Variants in SAGE1 observed in about 807,000 individuals in gnomAD.
SAGE1 encodes cancer/testis antigen 14.
SAGE1 carries 55 observed loss-of-function variants against 55.4 expected under a neutral mutation model. The ratio of observed to expected loss-of-function variants is 0.99; its 90% CI spans 0.80 to 1.24. The LOEUF is 1.24. SAGE1 is among the 50% of genes most tolerant of loss of function. The pLI, the probability that SAGE1 is intolerant of heterozygous loss-of-function variation, is 0.00. For synonymous variants in SAGE1, 240 were observed against 244.3 expected (o/e 0.98, Z 0.17); for missense variants, 710 against 704.4 (o/e 1.01, Z -0.09).
At position 135,906,987 on chromosome X, in the gene SAGE1, T is replaced by C. The variant is rs1556601887; in HGVS notation, c.798T>C (p.Asp266=). ...EKMEKGQPQP[D]NILSTASTGL... ...TGGAAAAGGGCCAACCCCAACCTGATAACATCTTGTCAACTGCTTCAACAG... is the reference window on the plus strand; with the variant it reads ...TGGAAAAGGGCCAACCCCAACCTGACAACATCTTGTCAACTGCTTCAACAG... Residue 266 remains aspartate, a synonymous_variant, in exon 8 of 20, where the codon GAT becomes GAC. Coordinates refer to ENST00000370709, the MANE Select transcript of SAGE1 (RefSeq NM_001381902.1). 2 of 1,210,405 alleles carry C rather than the reference T, an allele frequency of 1.7e-6. No homozygotes were observed. Among genetic ancestry groups the C allele is most frequent in the Non-Finnish European group, 1.1e-6 (1 of 894,216 alleles).
At position 135,908,496 on chromosome X, in the gene SAGE1, T is replaced by C. The variant is rs1476953836; in HGVS notation, c.1320T>C (p.His440=). 3 of 1,206,621 alleles carry C rather than the reference T, an allele frequency of 2.5e-6. No homozygotes were observed. Among genetic ancestry groups the C allele is most frequent in the Non-Finnish European group, 3.4e-6 (3 of 893,646 alleles). ...TRDQYATVNH[H]VHEARMENGQ... Reference sequence around the variant, plus strand: ...TTCTAGATGCTACCGTCAATCACCATGTCCATGAAGCAAGGATGGAAAATG... The same window carrying C: ...TTCTAGATGCTACCGTCAATCACCACGTCCATGAAGCAAGGATGGAAAATG... Residue 440 remains histidine (H), a synonymous_variant, in exon 12 of 20, where the codon CAT becomes CAC. Transcript: ENST00000370709.
At chrX:135,900,698 T>A (rs2088659916) in intron 2 of SAGE1, among the ~76,000 whole-genome samples, 1 of 111,271 alleles carries the variant, frequency 9.0e-6, no homozygotes, top group African/African-American at 3.3e-5. Flanking sequence ...ATTGTAAAGC[T>A]CGCCCTACCC....
chrX:135,912,183 G>C (rs782066805), intron 18 of SAGE1, 138 bp from the exon 19 acceptor site: 2 of 1,091,317 alleles, frequency 1.8e-6, no homozygotes, highest in Non-Finnish European at 1.2e-6. Context: ...TACAGATGTC[G>C]TGATTTAAGC....
chrX:135,902,584 G>A lies in SAGE1; in HGVS notation c.220+893G>A, dbSNP rs143221791. ...CCATCGGGCAAATAATCCCACCATGGCCTAGTTCAAGCTGTCAACATAAGG... is the reference window on the plus strand; with the variant it reads ...CCATCGGGCAAATAATCCCACCATGACCTAGTTCAAGCTGTCAACATAAGG... On this transcript the variant is annotated intron_variant, in intron 3 of 19. Coordinates refer to ENST00000370709, the MANE Select transcript of SAGE1 (RefSeq NM_001381902.1). Among the ~76,000 whole-genome samples the A allele has an allele frequency of 4.5e-3, 502 of 112,054 alleles. 3 individuals are homozygous for A. The highest frequency in any genetic ancestry group is 0.014 in the African/African-American group (438 of 30,858).
intron 16 of SAGE1, 45 bp downstream of exon 16, chrX:135,910,600 G>A: frequency 1.8e-6 from 2 of 1,134,930 alleles, no homozygotes; most frequent in Non-Finnish European, 2.4e-6. Flanking sequence ...GTTTCCCTAA[G>A]CAGGCATATT....
chrX:135,902,907 A>G (rs1434279639), intron 3 of SAGE1, among the ~76,000 whole-genome samples: 1 of 111,330 alleles, frequency 9.0e-6, no homozygotes, highest in Non-Finnish European at 1.9e-5. Flanking sequence ...TGTGTTTCTA[A>G]TCTTCGCTCA....
chrX:135,909,709 G>C lies in SAGE1; in HGVS notation c.1653G>C (p.Leu551Phe), dbSNP rs2088860302. Residue 551 changes from leucine (L) to phenylalanine (F), a missense_variant, in exon 14 of 20, where the codon TTG becomes TTC. Physicochemically the swap from Leu to Phe is conservative, Grantham distance 22. Coordinates refer to ENST00000370709, the MANE Select transcript of SAGE1 (RefSeq NM_001381902.1). ...ACCAACCACAACCTAGTTATGACTT[G>C]TCAACTGTTCTACCAGGACTTACTT... ...ENNQPQPSYD[L>F]STVLPGLTYL... 1 of 1,201,034 alleles carries C rather than the reference G, an allele frequency of 8.3e-7. No individual in the cohort carries two copies. The highest frequency in any genetic ancestry group is 1.1e-6 in the Non-Finnish European group (1 of 888,526).
intron 16 of SAGE1, among the ~76,000 whole-genome samples, 175 bp from the exon 17 acceptor site, chrX:135,911,017 G>A (rs892908717): frequency 8.9e-6 from 1 of 111,734 alleles, no homozygotes; most frequent in African/African-American, 3.3e-5. Context: ...AAGGGAAGAA[G>A]GTGGTTTTGC....
intron 9 of SAGE1, 115 bp from the exon 10 acceptor site, chrX:135,907,586 T>C: frequency 4.0e-6 from 4 of 988,602 alleles, no homozygotes; most frequent in Non-Finnish European, 5.6e-6. Flanking sequence ...CATCACTTGC[T>C]GTATCCTCCT....
At chrX:135,902,132 T>C (rs1397804051) in intron 3 of SAGE1, among the ~76,000 whole-genome samples, 4 of 111,619 alleles carry the variant, frequency 3.6e-5, no homozygotes, top group Admixed American at 9.5e-5. Context: ...TCCTTCTCTT[T>C]TTTGTTTTTC....
At chrX:135,909,863 T>A in intron 14 of SAGE1, 84 bp downstream of exon 14, 8 of 1,019,570 alleles carry the variant, frequency 7.8e-6, no homozygotes, top group Non-Finnish European at 8.0e-6. Flanking sequence ...GTGGTTTTGT[T>A]GTATTATCTT....
chrX:135,912,798 G>T lies in SAGE1; in HGVS notation c.2616G>T (p.Arg872Ser), dbSNP rs2148100731. The stretch of plus-strand genomic sequence containing the variant: ...GAATGGAATACCTCTTTAATTTCAG[G>T]TTTAAAAAAGTTGTCTTAATTCAGC... ...FVEFTIKEAA[R>S]FKKVVLIQQL... The change falls in exon 20 of 20, where the codon AGG (arginine) becomes AGT (serine). Residue 872 changes from arginine to serine, a missense_variant and splice_region_variant. Transcript: ENST00000370709. The T allele has an allele frequency of 3.3e-6, 4 of 1,207,660 alleles. No homozygotes were observed. In the East Asian group the frequency reaches 8.9e-5, roughly 27 times the overall value.
Position 135,906,893 on chromosome X carries a change from C to T in SAGE1, c.737-33C>T, listed in dbSNP as rs2088803075. On this transcript the variant is annotated intron_variant, in intron 7 of 19. Coordinates refer to ENST00000370709, the MANE Select transcript of SAGE1 (RefSeq NM_001381902.1). ...CTGTGGGGTTACCATAATACACTTA[C>T]CTAACAGCTCAGCCTCTTCATTTGG... is the stretch of plus-strand genomic sequence containing the variant. 7 of 1,193,646 alleles carry T rather than the reference C, an allele frequency of 5.9e-6. No homozygotes were observed. The Admixed American group carries it at 8.9e-5, about 15-fold the overall frequency.
At position 135,897,748 on chromosome X, in the gene SAGE1, G is replaced by A. The variant is rs183002631; in HGVS notation, c.87+1419G>A. Among the ~76,000 whole-genome samples, 4 of 111,042 alleles carry A rather than the reference G, an allele frequency of 3.6e-5. No individual in the cohort carries two copies. The East Asian group carries it at 1.1e-3, about 31-fold the overall frequency. On this transcript the variant is annotated intron_variant, in intron 2 of 19. Transcript: ENST00000370709. ...ACATAGGTAAACGTGTGGCATGGTG[G>A]CTTACTGCACCTATGAACCCATCAC... is the stretch of plus-strand genomic sequence containing the variant.
chrX:135,900,273 C>A (rs782213972), intron 2 of SAGE1, among the ~76,000 whole-genome samples: 2 of 111,512 alleles, frequency 1.8e-5, no homozygotes, highest in Non-Finnish European at 3.8e-5. Flanking sequence ...GTCTTTAGTT[C>A]TGTTTATGTG....
At chrX:135,909,831 C>T in intron 14 of SAGE1, 52 bp downstream of exon 14, 1 of 1,080,827 alleles carries the variant, frequency 9.3e-7, no homozygotes, top group South Asian at 2.2e-5. Context: ...ATATGCATGC[C>T]TAGTGTCATG....
chrX:135,905,935 T>C, intron 5 of SAGE1, 89 bp from the exon 6 acceptor site: 2 of 800,961 alleles, frequency 2.5e-6, no homozygotes, highest in Middle Eastern at 3.0e-4. Context: ...ATGGGATAAT[T>C]TCCTAGAAAC....
rs868971072 is a variant in SAGE1 at position 135,911,587 on chromosome X, G to A, written c.2155G>A (p.Val719Ile). 1.7e-6 allele frequency: 2 copies of A among 1,197,327 alleles called. No homozygotes were observed. Among genetic ancestry groups the A allele is most frequent in the African/African-American group, 3.5e-5 (2 of 57,464 alleles). ...CRSTRDLYAT[V>I]IHDIQEEEME... ...TTTCATTTGGATTCCAGATGCTACTGTCATTCACGATATCCAGGAGGAGGA... is the reference window on the plus strand; with the variant it reads ...TTTCATTTGGATTCCAGATGCTACTATCATTCACGATATCCAGGAGGAGGA... The change falls in exon 18 of 20, where the codon GTC becomes ATC. Residue 719 changes from valine (V) to isoleucine (I), a missense_variant. Transcript: ENST00000370709.
Position 135,904,192 on chromosome X carries a change from G to A in SAGE1, c.221-285G>A, listed in dbSNP as rs782639211. On this transcript the variant is annotated intron_variant, in intron 3 of 19. Transcript: ENST00000370709. ...AGTGCTTATTAGTATGGCAGCAGCT[G>A]GTATTTCATCCATGAGTACCAGGGA... Among the ~76,000 whole-genome samples the A allele has an allele frequency of 6.3e-5, 7 of 111,816 alleles. 1 individual carries two copies. The South Asian group carries it at 2.7e-3, about 42-fold the overall frequency.
Sources: gnomAD v4.1 joint callset for allele counts (sites outside exome capture counted in the v4.1 genomes callset) on GRCh38, gnomAD v4.1.1 for gene constraint, MANE v1.5 for transcripts, NCBI Gene and HGNC (gene_info 2026-07-23, HGNC 2026-07-21) for gene names.